ZNF385D: variants seen among roughly 807,000 people sequenced by gnomAD.
The protein encoded by ZNF385D is zinc finger protein 385D.
ZNF385D carries 15 observed loss-of-function variants against 35.8 expected under a neutral mutation model. The observed-to-expected ratio is 0.42, with a 90% CI of 0.28 to 0.64. The LOEUF (loss-of-function observed/expected upper bound fraction) is 0.64, where lower values mean the gene tolerates loss of function less well. Among genes scored for constraint, ZNF385D ranks in the 30% least tolerant of loss-of-function variants. The pLI is 0.23. For missense variants in ZNF385D, 474 were observed against 494.6 expected, an observed-to-expected ratio of 0.96 and a Z score of 0.39; for synonymous variants, 212 against 186.8, an observed-to-expected ratio of 1.13 and a Z score of -1.10.
At chr3:21,664,331 A>G (rs889102104) in intron 2 of ZNF385D, among the ~76,000 whole-genome samples, 1 of 152,132 alleles carries the variant, frequency 6.6e-6, no homozygotes, top group Non-Finnish European at 1.5e-5. Context: ...GAAACAAAGA[A>G]ATATGAGAGT....
At chr3:21,850,456 G>T (rs1559689113) in intron 3 of ZNF385D, among the ~76,000 whole-genome samples, 2 of 152,058 alleles carry the variant, frequency 1.3e-5, no homozygotes, top group Non-Finnish European at 2.9e-5. Context: ...ATCAGAGATT[G>T]ACATGAAGTA....
chr3:21,744,275 C>A (rs1342000282), intron 1 of ZNF385D, among the ~76,000 whole-genome samples: 1 of 152,130 alleles, frequency 6.6e-6, no homozygotes, highest in Non-Finnish European at 1.5e-5. Context: ...AATTGCTATA[C>A]AAGTGTAAGG....
chr3:22,263,132 T>C (rs1700720884), intron 2 of ZNF385D, among the ~76,000 whole-genome samples: 1 of 151,990 alleles, frequency 6.6e-6, no homozygotes, highest in East Asian at 1.9e-4. Context: ...CCTCCTATTG[T>C]TAATTCTGTC....
chr3:21,965,837 T>C (rs1350847953), intron 3 of ZNF385D, among the ~76,000 whole-genome samples: 1 of 151,806 alleles, frequency 6.6e-6, no homozygotes, highest in Non-Finnish European at 1.5e-5. Context: ...AGCTCAAAAA[T>C]ATGGAAGAAA....
chr3:21,981,521 T>A (rs1358464950), intron 3 of ZNF385D, among the ~76,000 whole-genome samples: 3 of 152,022 alleles, frequency 2.0e-5, no homozygotes, highest in Non-Finnish European at 4.4e-5. Flanking sequence ...AGGTTGTTTA[T>A]CCTGTTGATA....
At chr3:22,192,290 T>G (rs755097339) in intron 2 of ZNF385D, among the ~76,000 whole-genome samples, 2 of 152,160 alleles carry the variant, frequency 1.3e-5, no homozygotes, top group Non-Finnish European at 2.9e-5. Flanking sequence ...CCAATAGCCT[T>G]TGTTTCCCCA....
At chr3:21,718,614 AAAT>A (rs780149888) in intron 1 of ZNF385D, among the ~76,000 whole-genome samples, 128 of 152,262 alleles carry the variant, frequency 8.4e-4, no homozygotes, top group Non-Finnish European at 1.6e-3. Context: ...AGTATTAATT[AAAT>A]AATAACTAAA....
rs2065756463 is a variant in ZNF385D at position 21,646,449 on chromosome 3, A to T, written c.165+18437T>A. On this transcript the variant is annotated intron_variant, in intron 2 of 7. Coordinates refer to ENST00000281523, the MANE Select transcript of ZNF385D (RefSeq NM_024697.3). The surrounding 1 kb of genome is among the most constrained non-coding windows in gnomAD (Gnocchi z 4.3). The stretch of plus-strand genomic sequence containing the variant: ...CTCCCAAGGGCAGTGCTTGGATAGG[A>T]ACTCAGATCTTTACCTTCAAAGGTA... Among the ~76,000 whole-genome samples the T allele has an allele frequency of 6.6e-6, 1 of 152,198 alleles. No individual in the cohort carries two copies. The highest frequency in any genetic ancestry group is 6.5e-5 in the Admixed American group (1 of 15,278).
At chr3:21,833,826 G>GT (rs1170451985) in intron 3 of ZNF385D, among the ~76,000 whole-genome samples, 8 of 152,094 alleles carry the variant, frequency 5.3e-5, no homozygotes, top group African/African-American at 1.9e-4. Context: ...TATCTTCCAT[G>GT]TAATTATTGG....
At chr3:21,530,748 C>T (rs144951094) in intron 3 of ZNF385D, among the ~76,000 whole-genome samples, 7 of 152,216 alleles carry the variant, frequency 4.6e-5, no homozygotes, top group African/African-American at 7.2e-5. Flanking sequence ...TAACAGTACC[C>T]ATCACTGCTC....
rs115622691 is a variant in ZNF385D at position 22,370,533 on chromosome 3, A to G, written c.106+1917T>C. ...TGGGTATGAATCAATCTATGGTATT[A>G]CAATCACTGTATGAATTTTTCATGG... On this transcript the variant is annotated intron_variant, in intron 2 of 5. Transcript: ENST00000494108. Among the ~76,000 whole-genome samples the G allele has an allele frequency of 9.4e-3, 1,397 of 148,360 alleles. 26 individuals are homozygous for G. Among genetic ancestry groups the G allele is most frequent in the Middle Eastern group, 0.037 (11 of 294 alleles).
intron 4 of ZNF385D, among the ~76,000 whole-genome samples, chr3:21,486,784 G>A (rs1381519607): frequency 6.6e-6 from 1 of 152,022 alleles, no homozygotes; most frequent in Admixed American, 6.6e-5. Context: ...TTCCTCCAAA[G>A]TCAGGAAAAT....
intron 3 of ZNF385D, among the ~76,000 whole-genome samples, chr3:21,849,152 T>C (rs1473506499): frequency 6.6e-6 from 1 of 152,112 alleles, no homozygotes; most frequent in Non-Finnish European, 1.5e-5. Context: ...ATCCCCTTTC[T>C]AATTCAACGC....
At chr3:22,250,053 G>C (rs769214687) in intron 2 of ZNF385D, among the ~76,000 whole-genome samples, 3 of 152,112 alleles carry the variant, frequency 2.0e-5, no homozygotes, top group Non-Finnish European at 4.4e-5. Context: ...TTGTAATGGA[G>C]CCTATTTCTA....
At chr3:21,781,126 A>G (rs371360372) in intron 3 of ZNF385D, among the ~76,000 whole-genome samples, 24 of 152,168 alleles carry the variant, frequency 1.6e-4, no homozygotes, top group Middle Eastern at 3.4e-3. Flanking sequence ...CCCGGAAGAG[A>G]TATGTAAGGT....
At chr3:22,317,864 C>T (rs1703987568) in intron 2 of ZNF385D, among the ~76,000 whole-genome samples, 1 of 152,088 alleles carries the variant, frequency 6.6e-6, no homozygotes, top group Non-Finnish European at 1.5e-5. Flanking sequence ...AGTTTGAGAC[C>T]AGCCTGGCCA....
chr3:22,366,034 AT>A (rs918070023), intron 2 of ZNF385D, among the ~76,000 whole-genome samples: 27 of 151,644 alleles, frequency 1.8e-4, no homozygotes, highest in East Asian at 5.8e-4. Flanking sequence ...ATAAGCTAAA[AT>A]TTTTTTTTAA....
chr3:22,340,219 T>TA (rs1356429048), intron 2 of ZNF385D, among the ~76,000 whole-genome samples: 4 of 152,226 alleles, frequency 2.6e-5, no homozygotes, highest in African/African-American at 9.6e-5. Flanking sequence ...CCATGCCTGT[T>TA]AAATTGCCAC....
chr3:21,921,139 T>A (rs974264404), intron 3 of ZNF385D, among the ~76,000 whole-genome samples: 1 of 143,946 alleles, frequency 6.9e-6, no homozygotes, highest in Admixed American at 7.3e-5. Context: ...AGGAGAATGG[T>A]GTGAACCCGG....
Sources: gnomAD v4.1 joint callset for allele counts (sites outside exome capture counted in the v4.1 genomes callset) on GRCh38, gnomAD v4.1.1 for gene constraint, Gnocchi (gnomAD v3.1) non-coding constraint, MANE v1.5 for transcripts, NCBI Gene and HGNC (gene_info 2026-07-23, HGNC 2026-07-21) for gene names.